The following IL1RL2 variants were observed in gnomAD, a reference collection of about 807,000 sequenced individuals.
The protein encoded by IL1RL2 is interleukin 1 receptor like 2.
In IL1RL2, 68 loss-of-function variants were observed where a neutral mutation model predicts 66.8. That is an observed-to-expected ratio of 1.02 (90% CI 0.84 to 1.25). IL1RL2 has a LOEUF of 1.25. Among genes scored for constraint, IL1RL2 ranks in the 50% most tolerant of loss-of-function variants. The pLI is 0.00. For missense variants in IL1RL2, 729 were observed against 709.3 expected (o/e 1.03, Z -0.32); for synonymous variants, 305 against 264.6 (o/e 1.15, Z -1.48).
At chr2:102,222,852 T>C (rs1690258625) in intron 8 of IL1RL2, among the ~76,000 whole-genome samples, 1 of 151,944 alleles carries the variant, frequency 6.6e-6, no homozygotes, top group African/African-American at 2.4e-5. Context: ...CCTTGGAGAG[T>C]CCAGGAGACC....
In IL1RL2 at chr2:102,201,540, T is replaced by C. The variant is rs1298675320; in HGVS notation, c.490-16T>C. On this transcript the variant is annotated splice_polypyrimidine_tract_variant and intron_variant, in intron 4 of 11. Coordinates refer to ENST00000264257, the MANE Select transcript of IL1RL2 (RefSeq NM_003854.4). ...TAAGTATTCATTGAATTGAATTTTG[T>C]TTTTATTTGTATTAGGACTGTAACG... The C allele has an allele frequency of 1.9e-6, 3 of 1,612,248 alleles. No homozygotes were observed. The East Asian group carries it at 6.7e-5, about 36-fold the overall frequency.
intron 6 of IL1RL2, among the ~76,000 whole-genome samples, chr2:102,216,520 A>G (rs912622237): frequency 6.6e-6 from 1 of 151,930 alleles, no homozygotes; most frequent in African/African-American, 2.4e-5. Context: ...TTTTCTTTTA[A>G]TCCATTTTGC....
chr2:102,217,938 T>G (rs1396826072), intron 6 of IL1RL2, among the ~76,000 whole-genome samples: 1 of 152,004 alleles, frequency 6.6e-6, no homozygotes, highest in East Asian at 1.9e-4. Context: ...TGGAATTACA[T>G]CAAACCAAAA....
At chr2:102,198,874 C>G (rs914010872) in intron 4 of IL1RL2, among the ~76,000 whole-genome samples, 1 of 152,142 alleles carries the variant, frequency 6.6e-6, no homozygotes, top group Non-Finnish European at 1.5e-5. Context: ...TTCTTCCAAT[C>G]TCCAGATTTC....
chr2:102,201,739 T>A (rs766823741), intron 5 of IL1RL2, 24 bp downstream of exon 5: 5 of 1,604,932 alleles, frequency 3.1e-6, no homozygotes, highest in Admixed American at 1.7e-5. Flanking sequence ...TGTATGCCTG[T>A]CGCCTTGTAT....
intron 5 of IL1RL2, among the ~76,000 whole-genome samples, chr2:102,211,228 A>G (rs944515849): frequency 1.3e-5 from 2 of 152,206 alleles, no homozygotes; most frequent in Non-Finnish European, 2.9e-5. Context: ...CAACTTTTCC[A>G]TATCCCACTC....
At chr2:102,210,740 GGAGT>G (rs1689100655) in intron 5 of IL1RL2, among the ~76,000 whole-genome samples, 1 of 152,184 alleles carries the variant, frequency 6.6e-6, no homozygotes, top group African/African-American at 2.4e-5. Context: ...ACCAGATTTA[GGAGT>G]GAGATCATGA....
At chr2:102,211,292 G>A (rs898531993) in intron 5 of IL1RL2, among the ~76,000 whole-genome samples, 1 of 152,198 alleles carries the variant, frequency 6.6e-6, no homozygotes, top group Non-Finnish European at 1.5e-5. Flanking sequence ...AATTTTGGCA[G>A]ACAAATGGGA....
intron 8 of IL1RL2, among the ~76,000 whole-genome samples, chr2:102,225,610 T>C (rs1292835260): frequency 6.6e-6 from 1 of 152,102 alleles, no homozygotes; most frequent in Non-Finnish European, 1.5e-5. Context: ...TCTCGTCCAG[T>C]TGGGTCCATG....
At chr2:102,202,664 T>C (rs1169676187) in intron 5 of IL1RL2, among the ~76,000 whole-genome samples, 3 of 152,206 alleles carry the variant, frequency 2.0e-5, no homozygotes, top group Non-Finnish European at 4.4e-5. Flanking sequence ...TGGGATTACT[T>C]GTAAAATATC....
chr2:102,219,057 T>C lies in IL1RL2; in HGVS notation c.829T>C (p.Ser277Pro), dbSNP rs763407855. 1 of 1,613,944 alleles carries C rather than the reference T, an allele frequency of 6.2e-7. No homozygotes were observed. Among genetic ancestry groups the C allele is most frequent in the South Asian group, 1.1e-5 (1 of 91,080 alleles). Residue 277 changes from serine (S) to proline (P), a missense_variant, in exon 7 of 12, where the codon TCC (serine) becomes CCC (proline). By Grantham distance (74) the Ser-to-Pro change is moderately conservative. Coordinates refer to ENST00000264257, the MANE Select transcript of IL1RL2 (RefSeq NM_003854.4). Reference sequence around the variant, plus strand: ...TTTGGTGGATGATTACTATGATGAATCCAAACGAATCAGAGAAGGGGTGGA... The same window carrying C: ...TTTGGTGGATGATTACTATGATGAACCCAAACGAATCAGAGAAGGGGTGGA... ...NTLVDDYYDE[S>P]KRIREGVETH...
At chr2:102,230,815 C>T (rs1380123156) in intron 9 of IL1RL2, among the ~76,000 whole-genome samples, 2 of 152,084 alleles carry the variant, frequency 1.3e-5, no homozygotes, top group Non-Finnish European at 2.9e-5. Flanking sequence ...AGCAGGGACC[C>T]GAAGGTCAGC....
chr2:102,197,225 T>C (rs918640806), intron 4 of IL1RL2, among the ~76,000 whole-genome samples: 24 of 152,196 alleles, frequency 1.6e-4, no homozygotes, highest in Non-Finnish European at 2.9e-4. Context: ...TATAGTGCTC[T>C]GCTCTCTGGT....
chr2:102,219,283 C>G (rs1689886792), intron 7 of IL1RL2, among the ~76,000 whole-genome samples: 1 of 152,212 alleles, frequency 6.6e-6, no homozygotes, highest in Non-Finnish European at 1.5e-5. Flanking sequence ...CTCTTAGCTA[C>G]TACTCAAAAT....
intron 1 of IL1RL2, among the ~76,000 whole-genome samples, 183 bp from the exon 2 acceptor site, chr2:102,187,673 G>A (rs1224418851): frequency 6.6e-6 from 1 of 152,194 alleles, no homozygotes; most frequent in Non-Finnish European, 1.5e-5. Context: ...GCGCCCAGAC[G>A]AAGGAGACAG....
intron 5 of IL1RL2, among the ~76,000 whole-genome samples, chr2:102,208,402 G>A (rs1031725603): frequency 1.3e-5 from 2 of 152,238 alleles, no homozygotes; most frequent in African/African-American, 4.8e-5. Context: ...AACAGAGCCA[G>A]AGCTCTGGCA....
chr2:102,235,213 C>G lies in IL1RL2; in HGVS notation c.1614C>G (p.Pro538=). 6.2e-7 allele frequency: 1 copy of G among 1,614,218 alleles called. No individual in the cohort carries two copies. The highest frequency in any genetic ancestry group is 8.5e-7 in the Non-Finnish European group (1 of 1,180,048). Residue 538 remains proline, a synonymous_variant, in exon 11 of 12, where the codon CCC becomes CCG. Coordinates refer to ENST00000264257, the MANE Select transcript of IL1RL2 (RefSeq NM_003854.4). ...FWKTVRYHMP[P]RRCRPFPPVQ... Reference sequence around the variant, plus strand: ...AGACAGTGAGATACCACATGCCGCCCAGAAGGTGTCGGCCGTTTCCTCCGG... The same window carrying G: ...AGACAGTGAGATACCACATGCCGCCGAGAAGGTGTCGGCCGTTTCCTCCGG...
intron 5 of IL1RL2, among the ~76,000 whole-genome samples, chr2:102,210,750 C>T (rs1288940453): frequency 3.9e-5 from 6 of 152,098 alleles, no homozygotes; most frequent in African/African-American, 1.4e-4. Context: ...GGAGTGAGAT[C>T]ATGAGTTTGG....
At chr2:102,219,719 A>G (rs962339956) in intron 7 of IL1RL2, among the ~76,000 whole-genome samples, 162 bp from the exon 8 acceptor site, 5 of 152,188 alleles carry the variant, frequency 3.3e-5, no homozygotes, top group East Asian at 1.9e-4. Context: ...TTGGGAATAT[A>G]CAATCTACAA....
Sources: gnomAD v4.1 joint callset for allele counts (sites outside exome capture counted in the v4.1 genomes callset) on GRCh38, gnomAD v4.1.1 for gene constraint, MANE v1.5 for transcripts, NCBI Gene and HGNC (gene_info 2026-07-23, HGNC 2026-07-21) for gene names.